The following CHID1 variants were observed in gnomAD, a reference collection of about 807,000 sequenced individuals.
CHID1 encodes chitinase domain containing 1.
A neutral mutation model predicts 55.4 loss-of-function variants in CHID1; 44 were observed. The observed-to-expected ratio is 0.79, with a 90% CI of 0.62 to 1.02. CHID1 has a LOEUF of 1.02. Among genes scored for constraint, CHID1 ranks in the 50% least tolerant of loss-of-function variants. CHID1 has a pLI of 0.00. For missense variants in CHID1, 491 were observed against 515.3 expected, an observed-to-expected ratio of 0.95 and a Z score of 0.46; for synonymous variants, 216 against 212.9, an observed-to-expected ratio of 1.01 and a Z score of -0.13.
chr11:869,486 C>A lies in CHID1; in HGVS notation c.*372G>T. ...GAGGGCCCTCGAATCCAGGAGTGGG[C>A]GAGTCCGGGATGGTTCCAGAGCTTC... is the stretch of plus-strand genomic sequence containing the variant. On this transcript the variant is annotated 3_prime_UTR_variant, in exon 13 of 13. Coordinates refer to ENST00000323578, the MANE Select transcript of CHID1 (RefSeq NM_023947.4). 3.4e-6 allele frequency: 1 copy of A among 292,788 alleles called. No homozygotes were observed. The allele number at this position is 292,788 out of a possible 1,614,324, so 18.1% of individuals were successfully genotyped here.
chr11:913,657 C>T (rs891329299), upstream of CHID1, among the ~76,000 whole-genome samples: 4 of 151,892 alleles, frequency 2.6e-5, no homozygotes, highest in Admixed American at 1.3e-4. Flanking sequence ...CCTATAGTCC[C>T]AGCTACTTGG....
At chr11:897,286 A>C (rs576311162) in intron 7 of CHID1, among the ~76,000 whole-genome samples, 2 of 150,644 alleles carry the variant, frequency 1.3e-5, no homozygotes, top group South Asian at 2.1e-4. Flanking sequence ...CAGCACCTCC[A>C]GCCTCCACCC....
At chr11:913,547 C>T (rs111853350), upstream of CHID1, among the ~76,000 whole-genome samples, 53 of 149,410 alleles carry the variant, frequency 3.5e-4, no homozygotes, top group Admixed American at 1.0e-3. Flanking sequence ...CCGAGGTGGA[C>T]GGATTGCCTG....
chr11:869,923 G>C lies in CHID1; in HGVS notation c.1117C>G (p.Leu373Val). 3 of 1,612,746 alleles carry C rather than the reference G, an allele frequency of 1.9e-6. No individual in the cohort carries two copies. The highest frequency in any genetic ancestry group is 2.5e-6 in the Non-Finnish European group (3 of 1,179,878). Reference sequence around the variant, plus strand: ...TCCCAGATAGAGACCCCAACGCCCAGCTCCCGGGCCAGCTCCAGCCGCACC... The same window carrying C: ...TCCCAGATAGAGACCCCAACGCCCACCTCCCGGGCCAGCTCCAGCCGCACC... The part of the protein sequence containing the change: ...LQVRLELARE[L>V]GVGVSIWELG... Residue 373 changes from leucine to valine, a missense_variant, in exon 13 of 13, where the codon CTG becomes GTG. Leu to Val is a conservative substitution (Grantham distance 32). Transcript: ENST00000323578.
intron 1 of CHID1, chr11:908,536 A>G (rs1852403781): frequency 1.0e-6 from 1 of 982,368 alleles, no homozygotes. Context: ...GCCCAGAATC[A>G]CTTGCCTGGC....
chr11:872,615 C>A (rs1054849416), intron 10 of CHID1, among the ~76,000 whole-genome samples: 1 of 152,204 alleles, frequency 6.6e-6, no homozygotes, highest in South Asian at 2.1e-4. Flanking sequence ...CCAGACCAGG[C>A]AACGTCATGG....
At chr11:907,520 G>T (rs956727086) in intron 1 of CHID1, among the ~76,000 whole-genome samples, 5 of 152,092 alleles carry the variant, frequency 3.3e-5, no homozygotes, top group Admixed American at 2.6e-4. Flanking sequence ...ATCTTTCACT[G>T]GGGTTGGGGG....
chr11:887,489 G>A (rs981912008), intron 8 of CHID1, among the ~76,000 whole-genome samples: 1 of 152,158 alleles, frequency 6.6e-6, no homozygotes, highest in Non-Finnish European at 1.5e-5. Flanking sequence ...ATCCTGGTCC[G>A]AGTTGTCTGT....
chr11:895,546 C>A (rs1025378897), intron 7 of CHID1, among the ~76,000 whole-genome samples: 3 of 152,184 alleles, frequency 2.0e-5, no homozygotes, highest in Non-Finnish European at 4.4e-5. Flanking sequence ...TGGCTCCGAG[C>A]GCCCCTAACA....
At chr11:906,241 CTT>C (rs932290374) in intron 1 of CHID1, among the ~76,000 whole-genome samples, 23 of 134,768 alleles carry the variant, frequency 1.7e-4, no homozygotes, top group Non-Finnish European at 1.6e-4. Context: ...GGCTGTGGGA[CTT>C]TTTTTTTTTT....
At chr11:905,159 T>C (rs558593465) in intron 1 of CHID1, among the ~76,000 whole-genome samples, 3 of 152,212 alleles carry the variant, frequency 2.0e-5, no homozygotes, top group Middle Eastern at 3.2e-3. Flanking sequence ...TGACCACCAC[T>C]GGCAATCTAG....
intron 6 of CHID1, 133 bp from the exon 7 acceptor site, chr11:899,534 G>T: frequency 1.3e-6 from 1 of 776,562 alleles, no homozygotes; most frequent in Non-Finnish European, 2.1e-6. Flanking sequence ...CCCAAGCCTG[G>T]GCTGTATGCC....
In CHID1 at chr11:900,130, A is replaced by G; in HGVS notation, c.440-20T>C. 1 of 1,589,708 alleles carries G rather than the reference A, an allele frequency of 6.3e-7. No individual in the cohort carries two copies. The highest frequency in any genetic ancestry group is 8.6e-7 in the Non-Finnish European group (1 of 1,158,816). ...GAGGCACTGCAGGGGCAACAGACAC[A>G]CACGGGGGCCGTGACTGGGAGATGC... is the stretch of plus-strand genomic sequence containing the variant. On this transcript the variant is annotated intron_variant, in intron 5 of 12. Coordinates refer to ENST00000323578, the MANE Select transcript of CHID1 (RefSeq NM_023947.4).
chr11:913,648 C>T (rs1400528080), upstream of CHID1, among the ~76,000 whole-genome samples: 1 of 151,852 alleles, frequency 6.6e-6, no homozygotes, highest in East Asian at 1.9e-4. Context: ...TGATATGCAC[C>T]TATAGTCCCA....
chr11:870,035 A>G, intron 12 of CHID1, 79 bp from the exon 13 acceptor site: 2 of 1,604,988 alleles, frequency 1.2e-6, no homozygotes, highest in Admixed American at 3.3e-5. Flanking sequence ...GCCGAGGGGC[A>G]GCACCGCCTG....
upstream of CHID1, among the ~76,000 whole-genome samples, chr11:912,846 A>AAAAAG (rs1331676983): frequency 6.6e-6 from 1 of 151,438 alleles, no homozygotes; most frequent in Non-Finnish European, 1.5e-5. Context: ...TCAAAAAAAA[A>AAAAAG]AAAAAGAAAA....
intron 10 of CHID1, chr11:882,194 A>T (rs1478173318): frequency 6.6e-6 from 1 of 152,058 alleles, no homozygotes; most frequent in South Asian, 2.1e-4. Context: ...GCGCGGTGGC[A>T]GACGCCTGTA....
chr11:914,143 A>G (rs930551574), upstream of CHID1, among the ~76,000 whole-genome samples: 11 of 152,222 alleles, frequency 7.2e-5, no homozygotes, highest in Non-Finnish European at 1.6e-4. Context: ...AATTGAACTT[A>G]ACAGGTTAAT....
chr11:905,245 G>A (rs542676553), intron 1 of CHID1, among the ~76,000 whole-genome samples: 1 of 152,362 alleles, frequency 6.6e-6, no homozygotes, highest in East Asian at 1.9e-4. Context: ...GTAAAATAAT[G>A]AAGCCACAGG....
Sources: allele counts gnomAD v4.1 joint callset (sites outside exome capture counted in the v4.1 genomes callset), GRCh38; gene constraint gnomAD v4.1.1; transcripts MANE v1.5; gene names NCBI Gene and HGNC (gene_info 2026-07-23, HGNC 2026-07-21).